The following SKAP2 variants were observed in gnomAD, a reference collection of about 807,000 sequenced individuals.
SKAP2 encodes src kinase-associated phosphoprotein 2.
In SKAP2, 28 loss-of-function variants were observed where a neutral mutation model predicts 54.9. That is an observed-to-expected ratio of 0.51 (90% CI 0.38 to 0.70). The LOEUF (loss-of-function observed/expected upper bound fraction) is 0.70. Ranked by LOEUF, SKAP2 falls within the 30% of genes least tolerant of loss-of-function variation. The pLI, the probability that SKAP2 is intolerant of heterozygous loss-of-function variation, is 0.00. For synonymous variants in SKAP2, 137 were observed against 134.3 expected (o/e 1.02, Z -0.14); for missense variants, 356 against 424.1 (o/e 0.84, Z 1.41).
chr7:26,854,193 G>A lies in SKAP2; in HGVS notation c.174-31C>T, dbSNP rs774126784. 1.3e-5 allele frequency: 19 copies of A among 1,477,440 alleles called. No individual in the cohort carries two copies. In the African/African-American group the frequency reaches 2.6e-4, roughly 20 times the overall value. The allele number at this position is 1,477,440 out of a possible 1,614,324, so 91.5% of individuals were successfully genotyped here. A position where few individuals can be genotyped will look rare whatever the true frequency, so the allele number is the denominator to read the frequency against. Reference sequence around the variant, plus strand: ...AAACAAAGAACATATTTTTAAATGAGGTTGAAAAATCAAAACAAGGTCTAA... The same window carrying A: ...AAACAAAGAACATATTTTTAAATGAAGTTGAAAAATCAAAACAAGGTCTAA... On this transcript the variant is annotated intron_variant, in intron 2 of 12. Coordinates refer to ENST00000345317, the MANE Select transcript of SKAP2 (RefSeq NM_003930.5).
intron 4 of SKAP2, among the ~76,000 whole-genome samples, chr7:26,743,621 T>C (rs1310365453): frequency 6.6e-6 from 1 of 152,218 alleles, no homozygotes; most frequent in Non-Finnish European, 1.5e-5. Context: ...AAGTAAGGTA[T>C]ATACTGAGAA....
At chr7:26,859,302 T>A (rs1158049162) in intron 1 of SKAP2, among the ~76,000 whole-genome samples, 1 of 151,676 alleles carries the variant, frequency 6.6e-6, no homozygotes, top group Non-Finnish European at 1.5e-5. Flanking sequence ...TCTTCTCTGT[T>A]AAAGCAGGGT....
chr7:26,739,529 G>A (rs1026709534), intron 5 of SKAP2, among the ~76,000 whole-genome samples: 23 of 152,210 alleles, frequency 1.5e-4, no homozygotes, highest in Admixed American at 5.2e-4. Flanking sequence ...CATGGTGCAT[G>A]CCAGTTTGGG....
intron 6 of SKAP2, among the ~76,000 whole-genome samples, chr7:26,735,566 G>T (rs991898348): frequency 6.6e-5 from 10 of 152,112 alleles, no homozygotes; most frequent in Non-Finnish European, 1.2e-4. Flanking sequence ...TGTGAACTAT[G>T]TATCTGTCAA....
intron 11 of SKAP2, among the ~76,000 whole-genome samples, chr7:26,673,050 T>C (rs1388737753): frequency 6.6e-6 from 1 of 152,060 alleles, no homozygotes; most frequent in African/African-American, 2.4e-5. Context: ...AAACTAATTA[T>C]AGTATTGTTC....
At chr7:26,705,333 C>A (rs576815386) in intron 9 of SKAP2, among the ~76,000 whole-genome samples, 1 of 152,186 alleles carries the variant, frequency 6.6e-6, no homozygotes, top group South Asian at 2.1e-4. Context: ...TGCAATCAAA[C>A]ATGTAAATTT....
At chr7:26,709,671 G>C (rs1327106175) in intron 9 of SKAP2, among the ~76,000 whole-genome samples, 1 of 152,098 alleles carries the variant, frequency 6.6e-6, no homozygotes, top group Non-Finnish European at 1.5e-5. Flanking sequence ...TAAGTCCTTA[G>C]AGAAGGCAGG....
chr7:26,681,415 G>C (rs574346139), intron 11 of SKAP2, among the ~76,000 whole-genome samples: 5 of 152,336 alleles, frequency 3.3e-5, no homozygotes, highest in African/African-American at 1.2e-4. Flanking sequence ...TTGCACTCCA[G>C]CCTGGGCAAC....
At chr7:26,828,379 C>A (rs939993508) in intron 4 of SKAP2, among the ~76,000 whole-genome samples, 3 of 152,072 alleles carry the variant, frequency 2.0e-5, no homozygotes, top group African/African-American at 7.2e-5. Flanking sequence ...GTTCACTGAG[C>A]TTAAAAGGTA....
At position 26,695,788 on chromosome 7, in the gene SKAP2, C is replaced by G. The variant is rs558566671; in HGVS notation, c.797-5426G>C. On this transcript the variant is annotated intron_variant, in intron 9 of 12. Transcript: ENST00000345317. ...GTCTTCTTTCTCCTCTCCCAGTTCCCCTTCCTCACCTCTAGCTTTTAACAC... is the reference window on the plus strand; with the variant it reads ...GTCTTCTTTCTCCTCTCCCAGTTCCGCTTCCTCACCTCTAGCTTTTAACAC... Among the ~76,000 whole-genome samples, 10 of 152,314 alleles carry G rather than the reference C, an allele frequency of 6.6e-5. No homozygotes were observed. The East Asian group carries it at 9.6e-4, about 15-fold the overall frequency.
In SKAP2 at chr7:26,667,993, TTTAAC is replaced by T. The variant is rs1358545154; in HGVS notation, c.*1668_*1672del. On this transcript the variant is annotated 3_prime_UTR_variant, in exon 13 of 13. Coordinates refer to ENST00000345317, the MANE Select transcript of SKAP2 (RefSeq NM_003930.5). ...CTGCACAAATGTAACTTCTGAAAAC[TTTAAC>T]TTCACAATGTCTCTCTATATAAACT... 1 of 152,198 alleles carries T rather than the reference TTTAAC, an allele frequency of 6.6e-6. No homozygotes were observed. The highest frequency in any genetic ancestry group is 2.4e-5 in the African/African-American group (1 of 41,462). The allele number at this position is 152,198 out of a possible 1,614,324, so 9.4% of individuals were successfully genotyped here. A position where few individuals can be genotyped will look rare whatever the true frequency, so the allele number is the denominator to read the frequency against.
intron 4 of SKAP2, among the ~76,000 whole-genome samples, chr7:26,757,967 T>C (rs548047837): frequency 4.9e-4 from 74 of 152,314 alleles, no homozygotes; most frequent in African/African-American, 1.6e-3. Context: ...TTCACCGTGT[T>C]AGCCAGGATG....
At chr7:26,739,714 A>G (rs1782387464) in intron 5 of SKAP2, among the ~76,000 whole-genome samples, 173 bp downstream of exon 5, 2 of 152,244 alleles carry the variant, frequency 1.3e-5, no homozygotes, top group South Asian at 4.1e-4. Context: ...ATTAAAAATT[A>G]TTTAAAGCTA....
chr7:26,765,955 CCTT>C (rs1783042260), intron 4 of SKAP2, among the ~76,000 whole-genome samples: 1 of 151,920 alleles, frequency 6.6e-6, no homozygotes, highest in Non-Finnish European at 1.5e-5. Context: ...CTATGCGGGC[CCTT>C]TTTTGGTTCC....
intron 4 of SKAP2, among the ~76,000 whole-genome samples, chr7:26,835,886 C>T (rs1029348961): frequency 6.6e-6 from 1 of 152,162 alleles, no homozygotes; most frequent in African/African-American, 2.4e-5. Context: ...ATAGCCAAGA[C>T]AATCCTAAAC....
intron 9 of SKAP2, among the ~76,000 whole-genome samples, chr7:26,701,846 T>C (rs1215755274): frequency 6.6e-6 from 1 of 152,206 alleles, no homozygotes; most frequent in Non-Finnish European, 1.5e-5. Flanking sequence ...ATTAAGATCA[T>C]TTACAATTAA....
intron 3 of SKAP2, among the ~76,000 whole-genome samples, chr7:26,846,709 G>A (rs533083982): frequency 3.3e-5 from 5 of 152,146 alleles, no homozygotes; most frequent in East Asian, 1.9e-4. Flanking sequence ...GACCGGGTGC[G>A]GTGGCTCACG....
chr7:26,833,289 A>G (rs562225954), intron 4 of SKAP2, among the ~76,000 whole-genome samples: 1 of 151,568 alleles, frequency 6.6e-6, no homozygotes, highest in South Asian at 2.1e-4. Context: ...CCAGCTACTC[A>G]GGAGGCTGAG....
intron 9 of SKAP2, among the ~76,000 whole-genome samples, chr7:26,692,193 A>G (rs916679687): frequency 3.3e-5 from 5 of 151,512 alleles, no homozygotes; most frequent in East Asian, 1.9e-4. Flanking sequence ...TGGAGGAATG[A>G]GGGGGGGGAA....
Sources: allele counts gnomAD v4.1 joint callset (sites outside exome capture counted in the v4.1 genomes callset), GRCh38; gene constraint gnomAD v4.1.1; transcripts MANE v1.5; gene names NCBI Gene and HGNC (gene_info 2026-07-23, HGNC 2026-07-21).